Variants in KIF20B observed in about 807,000 individuals in gnomAD.
KIF20B encodes kinesin-like protein KIF20B.
Under a neutral mutation model 232.5 loss-of-function variants are expected in KIF20B, and 188 were observed. That is an observed-to-expected ratio of 0.81 (90% CI 0.72 to 0.91). KIF20B has a LOEUF of 0.91. KIF20B is among the 40% of genes least tolerant of loss of function. The pLI, the probability that KIF20B is intolerant of heterozygous loss-of-function variation, is 0.00. For synonymous variants in KIF20B, 712 were observed against 683.0 expected, an observed-to-expected ratio of 1.04 and a Z score of -0.66; for missense variants, 2,154 against 2,055.9, an observed-to-expected ratio of 1.05 and a Z score of -0.92.
chr10:89,725,572 C>T (rs928349349), intron 15 of KIF20B, among the ~76,000 whole-genome samples: 4 of 151,896 alleles, frequency 2.6e-5, no homozygotes, highest in Non-Finnish European at 4.4e-5. Flanking sequence ...GGGCAACTAC[C>T]GTTTCTTACT....
chr10:89,757,015 ATC>A (rs1447648878), intron 26 of KIF20B, among the ~76,000 whole-genome samples: 1 of 127,352 alleles, frequency 7.9e-6, no homozygotes, highest in African/African-American at 3.4e-5. Context: ...ATTTGCATAT[ATC>A]TCTGTTGTGT....
intron 1 of KIF20B, among the ~76,000 whole-genome samples, chr10:89,704,967 A>C (rs1462200371): frequency 6.6e-6 from 1 of 152,266 alleles, no homozygotes; most frequent in Non-Finnish European, 1.5e-5. Context: ...TGATCTCCTT[A>C]CTATTTGAGT....
chr10:89,736,084 G>C (rs889752352), intron 19 of KIF20B, among the ~76,000 whole-genome samples: 1 of 152,092 alleles, frequency 6.6e-6, no homozygotes, highest in Non-Finnish European at 1.5e-5. Context: ...GAGCAAAGTC[G>C]TGTAGAAAAT....
rs148228122 is a variant in KIF20B at position 89,739,984 on chromosome 10, T to G, written c.3915+888T>G. On this transcript the variant is annotated intron_variant, in intron 21 of 32. Coordinates refer to ENST00000371728, the MANE Select transcript of KIF20B (RefSeq NM_001284259.2). ...GTCTCTTGTTGATGACCATTTAGATTGTTTATTATTTTTTGCCCATAGCCA... is the reference window on the plus strand; with the variant it reads ...GTCTCTTGTTGATGACCATTTAGATGGTTTATTATTTTTTGCCCATAGCCA... Among the ~76,000 whole-genome samples the G allele has an allele frequency of 2.8e-3, 426 of 152,180 alleles. 2 individuals carry two copies. Among genetic ancestry groups the G allele is most frequent in the African/African-American group, 9.5e-3 (396 of 41,546 alleles).
rs1843122193 is a variant in KIF20B, at chr10:89,724,005, A to G, written c.1764A>G (p.Ile588Met). ...DLIEDLKKKLINEKKEKLTLE... is the reference protein window; with the variant it reads ...DLIEDLKKKLMNEKKEKLTLE... The stretch of plus-strand genomic sequence containing the variant: ...TAGAAGACTTGAAAAAAAAACTGAT[A>G]AATGAAAAAAAGGAAAAATTAACCT... The change falls in exon 14 of 33, where the codon ATA (isoleucine) becomes ATG (methionine). Residue 588 changes from isoleucine to methionine, a missense_variant. Transcript: ENST00000371728. The G allele has an allele frequency of 6.3e-7, 1 of 1,581,632 alleles. No individual in the cohort carries two copies. The highest frequency in any genetic ancestry group is 1.2e-5 in the South Asian group (1 of 83,586).
intron 13 of KIF20B, among the ~76,000 whole-genome samples, chr10:89,722,484 A>T (rs566151899): frequency 3.8e-4 from 58 of 152,264 alleles, no homozygotes; most frequent in Admixed American, 5.2e-4. Flanking sequence ...CCTGGCTAAC[A>T]CGGTGAAACC....
At chr10:89,757,364 A>G (rs932409267) in intron 26 of KIF20B, among the ~76,000 whole-genome samples, 11 of 151,768 alleles carry the variant, frequency 7.2e-5, no homozygotes, top group Non-Finnish European at 1.3e-4. Flanking sequence ...GGAATTCTTT[A>G]TACTTTTCGG....
At chr10:89,743,242 GAAATT>G (rs890810572) in intron 21 of KIF20B, among the ~76,000 whole-genome samples, 1 of 152,130 alleles carries the variant, frequency 6.6e-6, no homozygotes, top group African/African-American at 2.4e-5. Context: ...TTTTGGGTGA[GAAATT>G]AATATATATA....
At position 89,727,884 on chromosome 10, in the gene KIF20B, G is replaced by T; in HGVS notation, c.2259G>T (p.Glu753Asp). The T allele has an allele frequency of 6.4e-7, 1 of 1,559,280 alleles. No homozygotes were observed. Among genetic ancestry groups the T allele is most frequent in the South Asian group, 1.1e-5 (1 of 87,468 alleles). Residue 753 changes from glutamate to aspartate, a missense_variant, in exon 17 of 33, where the codon GAG (glutamate) becomes GAT (aspartate). Glu to Asp is a conservative substitution (Grantham distance 45). Transcript: ENST00000371728. ...CAGATTCATTGATTCAAGAGCTTGA[G>T]ACATCTAATAAGGTAATGCTTTAAG... ...NESDSLIQEL[E>D]TSNKKIITQN...
intron 28 of KIF20B, 140 bp from the exon 29 acceptor site, chr10:89,762,492 CAATCTT>C (rs1842263041): frequency 6.5e-6 from 4 of 612,944 alleles, no homozygotes; most frequent in Admixed American, 3.1e-5. Context: ...GATGATTGCT[CAATCTT>C]TCTGTTCTTG....
At chr10:89,717,802 C>CT in intron 11 of KIF20B, 80 bp downstream of exon 11, 1 of 962,156 alleles carries the variant, frequency 1.0e-6, no homozygotes, top group East Asian at 2.6e-5. Context: ...TTAGAAAGTT[C>CT]TTTTTTGATT....
Position 89,737,500 on chromosome 10 carries a change from C to T in KIF20B, c.2659C>T (p.Leu887=). The T allele has an allele frequency of 6.2e-7, 1 of 1,610,368 alleles. No individual in the cohort carries two copies. The highest frequency in any genetic ancestry group is 8.5e-7 in the Non-Finnish European group (1 of 1,178,358). ...IRVLQENNEG[L]RAFLLTIENE... is the part of the protein sequence containing the mutation. ...AGTTTTACAAGAAAATAATGAAGGA[C>T]TGAGAGCATTTTTACTCACTATTGA... The change falls in exon 20 of 33, where the codon CTG becomes TTG. Residue 887 remains leucine (L), a synonymous_variant. Coordinates refer to ENST00000371728, the MANE Select transcript of KIF20B (RefSeq NM_001284259.2).
chr10:89,734,150 C>T (rs765877668), intron 19 of KIF20B, among the ~76,000 whole-genome samples: 1 of 152,082 alleles, frequency 6.6e-6, no homozygotes, highest in Non-Finnish European at 1.5e-5. Flanking sequence ...TGGCTCATGC[C>T]TGTAATCCTA....
At chr10:89,720,112 T>G (rs1210197978) in intron 13 of KIF20B, among the ~76,000 whole-genome samples, 1 of 152,204 alleles carries the variant, frequency 6.6e-6, no homozygotes, top group African/African-American at 2.4e-5. Flanking sequence ...CTGTTTGTAT[T>G]GAGAGTTCCC....
chr10:89,755,463 CCT>C (rs1491464394), intron 26 of KIF20B, among the ~76,000 whole-genome samples: 4 of 120,986 alleles, frequency 3.3e-5, no homozygotes, highest in African/African-American at 1.2e-4. Context: ...CCTTCCCTCC[CCT>C]CCCCTCCCTC....
At position 89,738,042 on chromosome 10, in the gene KIF20B, T is replaced by C. The variant is rs1201732012; in HGVS notation, c.3201T>C (p.Ile1067=). 2 of 1,613,408 alleles carry C rather than the reference T, an allele frequency of 1.2e-6. No individual in the cohort carries two copies. Among genetic ancestry groups the C allele is most frequent in the South Asian group, 2.2e-5 (2 of 91,056 alleles). The change falls in exon 20 of 33, where the codon ATT becomes ATC. Residue 1067 remains isoleucine, a synonymous_variant. Transcript: ENST00000371728. ...IEAIWEECKE[I]VKASSKKSHQ... is the part of the protein sequence containing the mutation. ...CTATTTGGGAAGAATGTAAAGAGAT[T>C]GTGAAGGCCTCTTCCAAAAAAAGTC...
chr10:89,736,082 T>A (rs1219581208), intron 19 of KIF20B, among the ~76,000 whole-genome samples: 1 of 152,166 alleles, frequency 6.6e-6, no homozygotes, highest in African/African-American at 2.4e-5. Flanking sequence ...TAGAGCAAAG[T>A]CGTGTAGAAA....
chr10:89,723,935 A>G (rs765509330), intron 13 of KIF20B, 29 bp from the exon 14 acceptor site: 11 of 1,443,492 alleles, frequency 7.6e-6, no homozygotes, highest in Non-Finnish European at 9.3e-6. Context: ...TTATTCTTTT[A>G]TAAGAATTTT....
At chr10:89,769,288 G>A (rs1157596354) in intron 31 of KIF20B, among the ~76,000 whole-genome samples, 1 of 151,962 alleles carries the variant, frequency 6.6e-6, no homozygotes, top group African/African-American at 2.4e-5. Context: ...TGAGAATACA[G>A]TCATGGGTTC....
Sources: gnomAD v4.1 joint callset for allele counts (sites outside exome capture counted in the v4.1 genomes callset) on GRCh38, gnomAD v4.1.1 for gene constraint, MANE v1.5 for transcripts, NCBI Gene and HGNC (gene_info 2026-07-23, HGNC 2026-07-21) for gene names.